Variants in EBF2 observed in about 807,000 individuals in gnomAD.
EBF2 encodes EBF transcription factor 2.
Under a neutral mutation model 72.8 loss-of-function variants are expected in EBF2, and 21 were observed. The ratio of observed to expected loss-of-function variants is 0.29; its 90% CI spans 0.20 to 0.42. The LOEUF (loss-of-function observed/expected upper bound fraction) is 0.42. Among genes scored for constraint, EBF2 ranks in the 10% least tolerant of loss-of-function variants. The probability of loss-of-function intolerance (pLI) is 1.00; values close to 1 mark genes in which losing one functional copy is unlikely to be tolerated. For missense variants in EBF2, 637 were observed against 731.2 expected (o/e 0.87, Z 1.49); for synonymous variants, 299 against 274.2 (o/e 1.09, Z -0.89).
chr8:25,932,361 CA>C (rs1803498619), intron 6 of EBF2, among the ~76,000 whole-genome samples: 1 of 137,932 alleles, frequency 7.2e-6, no homozygotes, highest in African/African-American at 2.6e-5. Context: ...AATTGTTCCT[CA>C]TCAAAAGTCT....
At chr8:25,886,305 T>C (rs1802689062) in intron 10 of EBF2, among the ~76,000 whole-genome samples, 1 of 152,260 alleles carries the variant, frequency 6.6e-6, no homozygotes, top group Non-Finnish European at 1.5e-5. Flanking sequence ...AAGCAGTTGA[T>C]ACAAAGTAGA....
At chr8:25,984,630 C>G (rs540385653) in intron 6 of EBF2, among the ~76,000 whole-genome samples, 2 of 151,804 alleles carry the variant, frequency 1.3e-5, no homozygotes, top group African/African-American at 4.8e-5. Flanking sequence ...TGCAATGAGC[C>G]GACAGGGTGC....
rs1193013357 is a variant in EBF2, at chr8:26,005,285, A to AT, written c.551+27799_551+27800insA. 4.1e-3 allele frequency among the ~76,000 whole-genome samples: 3 copies of AT among 728 alleles called. 1 individual carries two copies. Among genetic ancestry groups the AT allele is most frequent in the African/African-American group, 8.2e-3 (2 of 244 alleles). 0.5% of individuals were successfully genotyped at this position (728 alleles called of 152,430 possible). On this transcript the variant is annotated intron_variant, in intron 6 of 15. Coordinates refer to ENST00000520164, the MANE Select transcript of EBF2 (RefSeq NM_022659.4). The stretch of plus-strand genomic sequence containing the variant: ...TAATATATAATATATATAATTATAT[A>AT]ATTATATAATTATATATAATTATAT...
intron 6 of EBF2, among the ~76,000 whole-genome samples, chr8:25,988,109 A>C (rs895035911): frequency 7.2e-5 from 11 of 152,196 alleles, no homozygotes; most frequent in Middle Eastern, 3.4e-3. Context: ...CCATTTGGCC[A>C]CTCACTGGAT....
At chr8:26,009,736 T>C (rs1177990476) in intron 6 of EBF2, among the ~76,000 whole-genome samples, 1 of 152,212 alleles carries the variant, frequency 6.6e-6, no homozygotes, top group Non-Finnish European at 1.5e-5. Flanking sequence ...GCAGAAGAGC[T>C]GAACAAGTTA....
chr8:25,918,963 T>C (rs1585195261), intron 6 of EBF2, among the ~76,000 whole-genome samples: 1 of 152,190 alleles, frequency 6.6e-6, no homozygotes, highest in East Asian at 1.9e-4. Flanking sequence ...GCTGGGTGCT[T>C]ATAAGCTCCT....
At chr8:26,030,045 A>G (rs1435997243) in intron 6 of EBF2, among the ~76,000 whole-genome samples, 1 of 152,000 alleles carries the variant, frequency 6.6e-6, no homozygotes, top group Non-Finnish European at 1.5e-5. Flanking sequence ...CTGAGTATCT[A>G]GGGCCACAGG....
At chr8:25,987,764 TC>T (rs1390226120) in intron 6 of EBF2, among the ~76,000 whole-genome samples, 3 of 152,066 alleles carry the variant, frequency 2.0e-5, no homozygotes, top group Non-Finnish European at 2.9e-5. Flanking sequence ...TCCAATGCCC[TC>T]CAAAAGGTGT....
At chr8:25,980,057 C>T (rs1804334841) in intron 6 of EBF2, among the ~76,000 whole-genome samples, 2 of 152,264 alleles carry the variant, frequency 1.3e-5, no homozygotes, top group South Asian at 2.1e-4. Context: ...GACTGTATTG[C>T]TTTGCACTGT....
At chr8:25,969,398 G>T (rs1373066054) in intron 6 of EBF2, among the ~76,000 whole-genome samples, 1 of 152,208 alleles carries the variant, frequency 6.6e-6, no homozygotes, top group Non-Finnish European at 1.5e-5. Flanking sequence ...AGATAATCGA[G>T]ACTCTTGTCT....
intron 14 of EBF2, among the ~76,000 whole-genome samples, 195 bp from the exon 15 acceptor site, chr8:25,850,956 G>A (rs1234594758): frequency 6.6e-6 from 1 of 151,954 alleles, no homozygotes; most frequent in East Asian, 1.9e-4. Flanking sequence ...CAACTAATAT[G>A]GTAATGACGC....
intron 10 of EBF2, among the ~76,000 whole-genome samples, chr8:25,877,254 C>G (rs574592128): frequency 6.6e-6 from 1 of 152,132 alleles, no homozygotes; most frequent in Non-Finnish European, 1.5e-5. Flanking sequence ...TGTTGGGTGC[C>G]CCTACTAGGA....
At chr8:25,858,598 G>GA in intron 13 of EBF2, 94 bp from the exon 14 acceptor site, 1 of 1,142,208 alleles carries the variant, frequency 8.8e-7, no homozygotes, top group Non-Finnish European at 1.2e-6. Flanking sequence ...CCAGACTGCA[G>GA]AATGTCACCA....
chr8:25,853,881 A>G (rs1482373476), intron 14 of EBF2, among the ~76,000 whole-genome samples: 2 of 152,128 alleles, frequency 1.3e-5, no homozygotes, highest in Non-Finnish European at 2.9e-5. Flanking sequence ...GCCCCCTTTA[A>G]TTTTTAAAAA....
intron 6 of EBF2, among the ~76,000 whole-genome samples, chr8:25,964,826 T>C (rs1490736382): frequency 6.6e-6 from 1 of 152,244 alleles, no homozygotes; most frequent in African/African-American, 2.4e-5. Context: ...AAAGGTAAAC[T>C]GAGTTATCTA....
intron 6 of EBF2, among the ~76,000 whole-genome samples, chr8:25,956,446 T>C (rs1479948202): frequency 6.6e-6 from 1 of 152,028 alleles, no homozygotes; most frequent in Non-Finnish European, 1.5e-5. Flanking sequence ...GAAGTATAAA[T>C]TTAAGGTGCA....
chr8:25,952,937 T>C (rs1418494743), intron 6 of EBF2, among the ~76,000 whole-genome samples: 1 of 152,232 alleles, frequency 6.6e-6, no homozygotes, highest in Non-Finnish European at 1.5e-5. Flanking sequence ...GAGATATTTC[T>C]TGTACTTCTT....
intron 6 of EBF2, among the ~76,000 whole-genome samples, chr8:25,995,003 T>A (rs78158241): frequency 0.012 from 1,808 of 151,754 alleles, 20 homozygotes; most frequent in African/African-American, 0.029. Context: ...AAAAAAAAAT[T>A]TTTTTTAAAG....
chr8:25,930,663 T>A (rs911061530), intron 6 of EBF2, among the ~76,000 whole-genome samples: 1 of 152,188 alleles, frequency 6.6e-6, no homozygotes, highest in Non-Finnish European at 1.5e-5. Flanking sequence ...GGTTTATAAA[T>A]GTACTTGCAA....
Sources: allele counts gnomAD v4.1 joint callset (sites outside exome capture counted in the v4.1 genomes callset), GRCh38; gene constraint gnomAD v4.1.1; transcripts MANE v1.5; gene names NCBI Gene and HGNC (gene_info 2026-07-23, HGNC 2026-07-21).